KCTD16: variants seen among roughly 807,000 people sequenced by gnomAD.
KCTD16 encodes the protein BTB/POZ domain-containing protein KCTD16.
Under a neutral mutation model 33.2 loss-of-function variants are expected in KCTD16, and 13 were observed. That is an observed-to-expected ratio of 0.39 (90% CI 0.25 to 0.62). KCTD16 has a LOEUF of 0.62. Among genes scored for constraint, KCTD16 ranks in the 20% least tolerant of loss-of-function variants. KCTD16 has a pLI of 0.50. For synonymous variants in KCTD16, 197 were observed against 195.3 expected (o/e 1.01, Z -0.07); for missense variants, 441 against 525.1 (o/e 0.84, Z 1.57).
chr5:144,337,038 A>G (rs1348661104), intron 3 of KCTD16, among the ~76,000 whole-genome samples: 1 of 151,590 alleles, frequency 6.6e-6, no homozygotes, highest in Non-Finnish European at 1.5e-5. Context: ...CTGTTCATAA[A>G]TATTTTCCCA....
chr5:144,391,563 A>G (rs1752449468), intron 3 of KCTD16, among the ~76,000 whole-genome samples: 1 of 152,250 alleles, frequency 6.6e-6, no homozygotes, highest in African/African-American at 2.4e-5. Context: ...ATGTACAGTC[A>G]GGAGTCTCTA....
At chr5:144,304,380 A>G (rs886363986) in intron 3 of KCTD16, among the ~76,000 whole-genome samples, 4 of 152,052 alleles carry the variant, frequency 2.6e-5, no homozygotes, top group Non-Finnish European at 2.9e-5. Flanking sequence ...GGGAGTCCAG[A>G]TGTGGTCAGT....
At chr5:144,389,536 C>T (rs1348522785) in intron 3 of KCTD16, among the ~76,000 whole-genome samples, 2 of 151,902 alleles carry the variant, frequency 1.3e-5, no homozygotes, top group East Asian at 3.9e-4. Flanking sequence ...AAGTTTAGGG[C>T]TCCCATTGAT....
At chr5:144,306,248 C>A (rs956112959) in intron 3 of KCTD16, among the ~76,000 whole-genome samples, 1 of 152,226 alleles carries the variant, frequency 6.6e-6, no homozygotes, top group Admixed American at 6.5e-5. Context: ...CTAAATCATT[C>A]TGTATATTTT....
intron 3 of KCTD16, among the ~76,000 whole-genome samples, chr5:144,303,875 G>A (rs1385862098): frequency 6.6e-6 from 1 of 152,168 alleles, no homozygotes; most frequent in Non-Finnish European, 1.5e-5. Flanking sequence ...TAAGACAAAA[G>A]ACAGGAATTA....
chr5:144,213,250 AT>A (rs1753453302), intron 3 of KCTD16, among the ~76,000 whole-genome samples: 1 of 152,092 alleles, frequency 6.6e-6, no homozygotes, highest in South Asian at 2.1e-4. Context: ...CATTTAAAAA[AT>A]ATTGCATATA....
At chr5:144,235,621 C>T (rs116298193) in intron 3 of KCTD16, among the ~76,000 whole-genome samples, 240 of 152,144 alleles carry the variant, frequency 1.6e-3, no homozygotes, top group African/African-American at 5.6e-3. Flanking sequence ...AAGTTCCTGG[C>T]TCATAGTAAG....
intron 3 of KCTD16, among the ~76,000 whole-genome samples, chr5:144,242,536 T>G (rs1031180674): frequency 1.3e-5 from 2 of 152,184 alleles, no homozygotes; most frequent in African/African-American, 4.8e-5. Flanking sequence ...TGTATTAATA[T>G]TGGTATGTTA....
chr5:144,311,705 A>C (rs949126351), intron 3 of KCTD16, among the ~76,000 whole-genome samples: 3 of 152,186 alleles, frequency 2.0e-5, no homozygotes, highest in Non-Finnish European at 4.4e-5. Flanking sequence ...CATAAATACA[A>C]CTACAAATAA....
At chr5:144,408,483 C>A (rs993960846) in intron 3 of KCTD16, among the ~76,000 whole-genome samples, 2 of 152,132 alleles carry the variant, frequency 1.3e-5, no homozygotes, top group African/African-American at 4.8e-5. Context: ...ACTATAAAAC[C>A]TTCTTGTTTC....
chr5:144,288,787 T>C (rs1318532528), intron 3 of KCTD16, among the ~76,000 whole-genome samples: 1 of 152,114 alleles, frequency 6.6e-6, no homozygotes, highest in Non-Finnish European at 1.5e-5. Flanking sequence ...CTGGCCAAGA[T>C]GGTTAAACCC....
At chr5:144,186,760 T>C (rs1279447447) in intron 2 of KCTD16, among the ~76,000 whole-genome samples, 1 of 152,204 alleles carries the variant, frequency 6.6e-6, no homozygotes, top group Non-Finnish European at 1.5e-5. Context: ...TATTAACTTT[T>C]TTAACCACTA....
At chr5:144,443,705 T>C (rs1753760999) in intron 3 of KCTD16, among the ~76,000 whole-genome samples, 1 of 152,126 alleles carries the variant, frequency 6.6e-6, no homozygotes, top group Non-Finnish European at 1.5e-5. Context: ...CTTAAATCTA[T>C]TATAATTATT....
At chr5:144,417,166 G>A (rs555718292) in intron 3 of KCTD16, among the ~76,000 whole-genome samples, 7 of 152,184 alleles carry the variant, frequency 4.6e-5, no homozygotes, top group Admixed American at 1.3e-4. Context: ...ACTTTCTGAG[G>A]AACCACCAAA....
chr5:144,470,524 T>C (rs1754445413), intron 3 of KCTD16, among the ~76,000 whole-genome samples: 1 of 152,194 alleles, frequency 6.6e-6, no homozygotes, highest in African/African-American at 2.4e-5. Flanking sequence ...TTTTTTGGTT[T>C]AATATAATAC....
chr5:144,382,166 A>C (rs572309672), intron 3 of KCTD16, among the ~76,000 whole-genome samples: 1 of 152,270 alleles, frequency 6.6e-6, no homozygotes, highest in African/African-American at 2.4e-5. Flanking sequence ...AATACTACAT[A>C]TTCTCACTTA....
chr5:144,325,063 T>C (rs1449339550), intron 3 of KCTD16, among the ~76,000 whole-genome samples: 1 of 152,242 alleles, frequency 6.6e-6, no homozygotes, highest in Non-Finnish European at 1.5e-5. Context: ...CCCACACATG[T>C]ATCCCGGAGC....
At chr5:144,336,651 A>C (rs777280322) in intron 3 of KCTD16, among the ~76,000 whole-genome samples, 10 of 152,172 alleles carry the variant, frequency 6.6e-5, no homozygotes, top group Non-Finnish European at 1.5e-4. Flanking sequence ...TTTCAACAGT[A>C]GGCACTTGGT....
intron 3 of KCTD16, among the ~76,000 whole-genome samples, chr5:144,454,633 A>T (rs1023432150): frequency 5.3e-5 from 8 of 152,180 alleles, no homozygotes; most frequent in African/African-American, 1.9e-4. Context: ...GGAAGACAGG[A>T]TGCATAAAGC....
Sources: allele counts gnomAD v4.1 joint callset (sites outside exome capture counted in the v4.1 genomes callset), GRCh38; gene constraint gnomAD v4.1.1; transcripts MANE v1.5; gene names NCBI Gene and HGNC (gene_info 2026-07-23, HGNC 2026-07-21).